BBS12: variants seen among roughly 807,000 people sequenced by gnomAD.
BBS12 encodes the protein chaperonin-containing T-complex member BBS12.
BBS12 carries 5 observed loss-of-function variants against 5.6 expected under a neutral mutation model. The ratio of observed to expected loss-of-function variants is 0.89; its 90% confidence interval spans 0.46 to 1.86. BBS12 has a LOEUF of 1.86. Among genes scored for constraint, BBS12 ranks in the 40% most tolerant of loss-of-function variants. The pLI is 0.01. For missense variants in BBS12, 748 were observed against 830.4 expected (o/e 0.90, Z 1.22); for synonymous variants, 308 against 306.8 (o/e 1.00, Z -0.04).
chr4:122,736,373 G>A (rs1800783242), intron 1 of BBS12, among the ~76,000 whole-genome samples: 1 of 152,070 alleles, frequency 6.6e-6, no homozygotes, highest in African/African-American at 2.4e-5. Flanking sequence ...TGAGCAAACA[G>A]TTGATTTAGA....
At chr4:122,707,358 A>T in the BBS12 span, among the ~76,000 whole-genome samples, 3 of 152,134 alleles carry the variant, frequency 2.0e-5, no homozygotes, top group East Asian at 1.9e-4. Flanking sequence ...ATGTATCTTA[A>T]CTATAAAAAT....
upstream of BBS12, chr4:122,731,085 T>A (rs1307851475): frequency 2.0e-5 from 3 of 152,328 alleles, no homozygotes; most frequent in East Asian, 5.8e-4. Context: ...ATTGGTCTTT[T>A]AACAATTATG....
chr4:122,741,431 C>T (rs439110), intron 1 of BBS12, among the ~76,000 whole-genome samples: 40,372 of 151,882 alleles, frequency 0.27, 6,425 homozygotes, highest in African/African-American at 0.44. Context: ...GTGATCCGCC[C>T]GCCTCGGCCT....
chr4:122,743,427 T>C lies in BBS12; in HGVS notation c.1535T>C (p.Met512Thr). 6.2e-7 allele frequency: 1 copy of C among 1,614,074 alleles called. No individual in the cohort carries two copies. Among genetic ancestry groups the C allele is most frequent in the South Asian group, 1.1e-5 (1 of 91,090 alleles). ...AVLTNPVTAQ[M>T]QIKEDRFWTC... is the part of the protein sequence containing the mutation. ...CTCACTAACCCAGTTACTGCACAGA[T>C]GCAAATCAAAGAAGATAGGTTCTGG... The change falls in exon 2 of 2, where the codon ATG (methionine) becomes ACG (threonine). Residue 512 changes from methionine to threonine, a missense_variant. Physicochemically the swap from Met to Thr is moderately conservative, Grantham distance 81. Transcript: ENST00000314218.
At chr4:122,711,102 G>A in the BBS12 span, among the ~76,000 whole-genome samples, 13 of 152,250 alleles carry the variant, frequency 8.5e-5, no homozygotes, top group South Asian at 2.1e-4. Flanking sequence ...TGAAACATAC[G>A]AAACCATCTC....
Position 122,742,259 on chromosome 4 carries a change from T to C in BBS12, c.367T>C (p.Cys123Arg). Residue 123 changes from cysteine (C) to arginine (R), a missense_variant, in exon 2 of 2, where the codon TGT becomes CGT. Physicochemically the swap from Cys to Arg is radical, Grantham distance 180. Coordinates refer to ENST00000314218, the MANE Select transcript of BBS12 (RefSeq NM_152618.3). ...AGTAATGTCAGAAGGCTTAAACTTTTGTAGTGAAGAGGTAGTTTCTCTTCA... is the reference window on the plus strand; with the variant it reads ...AGTAATGTCAGAAGGCTTAAACTTTCGTAGTGAAGAGGTAGTTTCTCTTCA... ...VSVMSEGLNF[C>R]SEEVVSLHVP... The C allele has an allele frequency of 1.9e-6, 3 of 1,613,898 alleles. No individual in the cohort carries two copies. The highest frequency in any genetic ancestry group is 2.2e-5 in the South Asian group (2 of 91,078).
chr4:122,713,438 G>A, the BBS12 span, among the ~76,000 whole-genome samples: 3 of 152,126 alleles, frequency 2.0e-5, no homozygotes, highest in African/African-American at 7.2e-5. Context: ...GCTGCAATAT[G>A]CTATGATTGT....
chr4:122,722,902 G>C, the BBS12 span, among the ~76,000 whole-genome samples: 1 of 151,970 alleles, frequency 6.6e-6, no homozygotes, highest in Admixed American at 6.6e-5. Flanking sequence ...AGGACATTCT[G>C]TTCTTATTCC....
At chr4:122,715,410 T>A in the BBS12 span, among the ~76,000 whole-genome samples, 2 of 152,192 alleles carry the variant, frequency 1.3e-5, no homozygotes, top group East Asian at 3.9e-4. Context: ...TTTCTAAGGA[T>A]GTTCTTGACT....
chr4:122,733,859 C>CTTTTTTTTTTTTGT (rs1800743128), intron 1 of BBS12: 1 of 97,130 alleles, frequency 1.0e-5, no homozygotes. Flanking sequence ...TAACTTTAGT[C>CTTTTTTTTTTTTGT]TTTTTTTTTT....
Sources: gnomAD v4.1 joint callset for allele counts (sites outside exome capture counted in the v4.1 genomes callset) on GRCh38, gnomAD v4.1.1 for gene constraint, MANE v1.5 for transcripts, NCBI Gene and HGNC (gene_info 2026-07-23, HGNC 2026-07-21) for gene names.